Variants in KDELR3 observed in about 807,000 individuals in gnomAD.
The protein encoded by KDELR3 is ER lumen protein-retaining receptor 3.
A neutral mutation model predicts 22.7 loss-of-function variants in KDELR3; 26 were observed. The ratio of observed to expected loss-of-function variants is 1.15; its 90% CI spans 0.84 to 1.59. The LOEUF (loss-of-function observed/expected upper bound fraction) is 1.59. Among genes scored for constraint, KDELR3 ranks in the 40% most tolerant of loss-of-function variants. The probability of loss-of-function intolerance (pLI) is 0.00; values close to 1 mark genes in which losing one functional copy is unlikely to be tolerated. For missense variants in KDELR3, 289 were observed against 251.1 expected (o/e 1.15, Z -1.02); for synonymous variants, 120 against 98.2 (o/e 1.22, Z -1.31).
At chr22:38,482,366 C>G in intron 4 of KDELR3, 130 bp from the exon 5 acceptor site, 1 of 738,342 alleles carries the variant, frequency 1.4e-6, no homozygotes, top group East Asian at 2.7e-5. Flanking sequence ...ATGGACTCCC[C>G]CTTTGCTTTA....
chr22:38,468,350 C>G, intron 1 of KDELR3, 26 bp downstream of exon 1: 2 of 1,603,816 alleles, frequency 1.2e-6, no homozygotes, highest in Non-Finnish European at 1.7e-6. Context: ...CAGGGAGGTG[C>G]GGGACCCCCT....
Position 38,468,147 on chromosome 22 carries a change from G to T in KDELR3, c.-87G>T. The T allele has an allele frequency of 8.3e-7, 1 of 1,204,494 alleles. No individual in the cohort carries two copies. The highest frequency in any genetic ancestry group is 1.2e-6 in the Non-Finnish European group (1 of 823,454). 74.6% of individuals were successfully genotyped at this position (1,204,494 alleles called of 1,614,324 possible). A position where few individuals can be genotyped will look rare whatever the true frequency, so the allele number is the denominator to read the frequency against. The stretch of plus-strand genomic sequence containing the variant: ...CAGGGCTCTGGGGCACCTAGAGACC[G>T]GGGCCGGAGACGTGGCAGCCGCCCT... On this transcript the variant is annotated 5_prime_UTR_variant, in exon 1 of 5. Coordinates refer to ENST00000216014, the MANE Select transcript of KDELR3 (RefSeq NM_006855.4).
intron 1 of KDELR3, among the ~76,000 whole-genome samples, chr22:38,470,321 G>T (rs1044292383): frequency 3.3e-5 from 5 of 152,046 alleles, no homozygotes; most frequent in Non-Finnish European, 4.4e-5. Context: ...ACGGGGTTTC[G>T]CCATATTGGC....
intron 1 of KDELR3, among the ~76,000 whole-genome samples, chr22:38,472,458 C>CA (rs2089531133): frequency 6.6e-6 from 1 of 151,980 alleles, no homozygotes; most frequent in Non-Finnish European, 1.5e-5. Context: ...GCCTGGGTGA[C>CA]AGAGTGAGAC....
intron 1 of KDELR3, among the ~76,000 whole-genome samples, chr22:38,470,686 T>C (rs1432306020): frequency 6.6e-6 from 1 of 152,134 alleles, no homozygotes; most frequent in African/African-American, 2.4e-5. Flanking sequence ...ATTTGTCAAA[T>C]GGGAGTGAGG....
chr22:38,470,108 G>A lies in KDELR3; in HGVS notation c.91+1784G>A, dbSNP rs1032901146. 1.1e-4 allele frequency among the ~76,000 whole-genome samples: 17 copies of A among 150,856 alleles called. No homozygotes were observed. The Admixed American group carries it at 1.1e-3, about 10-fold the overall frequency. ...GTGCTGGTGCTGGGATTGTAGGCGT[G>A]GGCCACTGCGCCCACTTCTTTTTTT... On this transcript the variant is annotated intron_variant, in intron 1 of 4. Transcript: ENST00000216014.
chr22:38,481,184 G>C (rs370748041), intron 3 of KDELR3, 28 bp from the exon 4 acceptor site: 157 of 1,596,616 alleles, frequency 9.8e-5, no homozygotes, highest in Non-Finnish European at 1.3e-4. Context: ...GTCTTGCTCA[G>C]TCTCTGGTTG....
intron 4 of KDELR3, chr22:38,481,724 A>G (rs563195784): frequency 1.7e-6 from 2 of 1,196,386 alleles, no homozygotes; most frequent in East Asian, 2.9e-5. Context: ...AAAACATTCC[A>G]GAACTTATTA....
chr22:38,474,650 G>A, intron 2 of KDELR3, 27 bp downstream of exon 2: 1 of 1,569,782 alleles, frequency 6.4e-7, no homozygotes, highest in Non-Finnish European at 8.8e-7. Context: ...TGATGGTTGG[G>A]GGAAGCCACC....
chr22:38,478,122 T>C (rs1398902260), intron 2 of KDELR3, among the ~76,000 whole-genome samples: 1 of 150,056 alleles, frequency 6.7e-6, no homozygotes, highest in African/African-American at 2.5e-5. Flanking sequence ...ACAGAATGTG[T>C]GCCTCATTGT....
chr22:38,471,041 G>A (rs9622815), intron 1 of KDELR3, among the ~76,000 whole-genome samples: 4,253 of 152,266 alleles, frequency 0.028, 87 homozygotes, highest in Non-Finnish European at 0.044. Context: ...CTACTCATGA[G>A]GCTGAGGCAG....
At position 38,481,663 on chromosome 22, in the gene KDELR3, A is replaced by G. The variant is rs1205954904; in HGVS notation, c.604+199A>G. On this transcript the variant is annotated intron_variant, in intron 4 of 4. Transcript: ENST00000216014. ...TGCAGGCCAATAGGTTATGTGTACT[A>G]TGCAAGACAGCTGTGAGATGACATT... The G allele has an allele frequency of 1.9e-5, 27 of 1,417,374 alleles. No homozygotes were observed. In the African/African-American group the frequency reaches 2.2e-4, roughly 11 times the overall value. The allele number at this position is 1,417,374 out of a possible 1,614,324, so 87.8% of individuals were successfully genotyped here.
At position 38,468,176 on chromosome 22, in the gene KDELR3, C is replaced by T; in HGVS notation, c.-58C>T. The T allele has an allele frequency of 6.6e-7, 1 of 1,512,402 alleles. No homozygotes were observed. The highest frequency in any genetic ancestry group is 9.2e-7 in the Non-Finnish European group (1 of 1,092,390). 93.7% of individuals were successfully genotyped at this position (1,512,402 alleles called of 1,614,324 possible). A position where few individuals can be genotyped will look rare whatever the true frequency, so the allele number is the denominator to read the frequency against. On this transcript the variant is annotated 5_prime_UTR_variant, in exon 1 of 5. Transcript: ENST00000216014. ...CCGGAGACGTGGCAGCCGCCCTGCC[C>T]GCCAGAAAGTTTCCTAGAAGTTTGC...
intron 2 of KDELR3, among the ~76,000 whole-genome samples, chr22:38,477,149 G>A (rs983358448): frequency 4.1e-5 from 6 of 147,556 alleles, no homozygotes; most frequent in Non-Finnish European, 7.4e-5. Context: ...TCCTGACCTC[G>A]TGATCTGCCC....
chr22:38,474,702 T>C, intron 2 of KDELR3, 79 bp downstream of exon 2: 1 of 1,234,498 alleles, frequency 8.1e-7, no homozygotes, highest in South Asian at 1.2e-5. Context: ...GGAAACTCAT[T>C]CTGTGGAGCC....
chr22:38,468,507 A>AT (rs1555921828), intron 1 of KDELR3, among the ~76,000 whole-genome samples, 183 bp downstream of exon 1: 14 of 151,858 alleles, frequency 9.2e-5, no homozygotes, highest in South Asian at 8.4e-4. Flanking sequence ...GAGGAGGAGG[A>AT]CCCCTCGAGA....
At chr22:38,479,795 T>C (rs758283215) in intron 3 of KDELR3, 44 bp downstream of exon 3, 2 of 1,576,258 alleles carry the variant, frequency 1.3e-6, no homozygotes, top group Non-Finnish European at 1.7e-6. Flanking sequence ...GGAAATATGC[T>C]CCCTGCATCC....
Position 38,470,682 on chromosome 22 carries a change from C to G in KDELR3, c.91+2358C>G, listed in dbSNP as rs142766125. On this transcript the variant is annotated intron_variant, in intron 1 of 4. Transcript: ENST00000216014. ...CCTGGGCCTGTGTTTTCCCATTTGTCAAATGGGAGTGAGGGCTGCCCCTGG... is the reference window on the plus strand; with the variant it reads ...CCTGGGCCTGTGTTTTCCCATTTGTGAAATGGGAGTGAGGGCTGCCCCTGG... Among the ~76,000 whole-genome samples the G allele has an allele frequency of 3.9e-5, 6 of 152,240 alleles. No individual in the cohort carries two copies. In the East Asian group the frequency reaches 7.7e-4, roughly 20 times the overall value.
chr22:38,479,518 G>C (rs2089583333), intron 2 of KDELR3, 75 bp from the exon 3 acceptor site: 1 of 1,380,400 alleles, frequency 7.2e-7, no homozygotes, highest in Non-Finnish European at 1.0e-6. Context: ...CTTAGGTTTG[G>C]TAGGCTAGGA....
Sources: gnomAD v4.1 joint callset for allele counts (sites outside exome capture counted in the v4.1 genomes callset) on GRCh38, gnomAD v4.1.1 for gene constraint, MANE v1.5 for transcripts, NCBI Gene and HGNC (gene_info 2026-07-23, HGNC 2026-07-21) for gene names.